Variants in SMYD3 observed in about 807,000 individuals in gnomAD.
The protein encoded by SMYD3 is SET and MYND domain containing 3.
Under a neutral mutation model 57.7 loss-of-function variants are expected in SMYD3, and 36 were observed. That is an observed-to-expected ratio of 0.62 (90% CI 0.48 to 0.82). The LOEUF (loss-of-function observed/expected upper bound fraction) is 0.82. Ranked by LOEUF, SMYD3 falls within the 40% of genes least tolerant of loss-of-function variation. The probability of loss-of-function intolerance (pLI) is 0.00; values close to 1 mark genes in which losing one functional copy is unlikely to be tolerated. For missense variants in SMYD3, 515 were observed against 538.8 expected (o/e 0.96, Z 0.44); for synonymous variants, 211 against 195.0 (o/e 1.08, Z -0.68).
At chr1:246,049,516 A>G (rs2060030920) in intron 5 of SMYD3, among the ~76,000 whole-genome samples, 1 of 151,178 alleles carries the variant, frequency 6.6e-6, no homozygotes, top group South Asian at 2.1e-4. Context: ...CGTGTTAGCC[A>G]GGATGATCTC....
Position 245,921,549 on chromosome 1 carries a change from G to GTA in SMYD3, c.703-5911_703-5910dup, listed in dbSNP as rs143521072. On this transcript the variant is annotated intron_variant, in intron 7 of 11. Coordinates refer to ENST00000490107, the MANE Select transcript of SMYD3 (RefSeq NM_001167740.2). ...TCAACAGTGAGCTAAAAAATGTGGT[G>GTA]TATATATATATATATATATATACAC... is the stretch of plus-strand genomic sequence containing the variant. Among the ~76,000 whole-genome samples the GTA allele has an allele frequency of 2.9e-4, 41 of 141,408 alleles. 1 individual carries two copies. Among genetic ancestry groups the GTA allele is most frequent in the African/African-American group, 8.6e-4 (33 of 38,454 alleles). The allele number at this position is 141,408 out of a possible 152,430, so 92.8% of individuals were successfully genotyped here.
chr1:246,173,808 T>C (rs891889332), intron 5 of SMYD3, among the ~76,000 whole-genome samples: 5 of 152,092 alleles, frequency 3.3e-5, no homozygotes, highest in African/African-American at 9.7e-5. Context: ...GTTAATTTTT[T>C]AATGCTTTTT....
At chr1:245,909,870 A>G (rs1385949018) in intron 8 of SMYD3, among the ~76,000 whole-genome samples, 2 of 152,168 alleles carry the variant, frequency 1.3e-5, no homozygotes, top group Non-Finnish European at 2.9e-5. Context: ...CTTAATTGGG[A>G]AAAACTGAAA....
At chr1:246,160,600 G>A (rs192941461) in intron 5 of SMYD3, among the ~76,000 whole-genome samples, 2 of 152,270 alleles carry the variant, frequency 1.3e-5, no homozygotes, top group East Asian at 1.9e-4. Context: ...TGAGTTTCCC[G>A]AGGAATCAGA....
chr1:246,256,184 G>A (rs2063890701), intron 5 of SMYD3, among the ~76,000 whole-genome samples: 1 of 152,148 alleles, frequency 6.6e-6, no homozygotes, highest in Non-Finnish European at 1.5e-5. Context: ...CAGCATGGGA[G>A]AAAGATGTGG....
intron 5 of SMYD3, among the ~76,000 whole-genome samples, chr1:246,304,576 C>G (rs1275432276): frequency 6.6e-6 from 1 of 152,112 alleles, no homozygotes. Context: ...TGTTTAGCCT[C>G]AAAGCCAAGT....
chr1:245,864,177 A>C (rs1309703282), intron 8 of SMYD3, among the ~76,000 whole-genome samples: 1 of 152,072 alleles, frequency 6.6e-6, no homozygotes, highest in Non-Finnish European at 1.5e-5. Context: ...TTTGGAAAAC[A>C]CTCTGGAAGT....
intron 8 of SMYD3, among the ~76,000 whole-genome samples, chr1:245,875,155 T>G (rs1302327183): frequency 6.6e-6 from 1 of 152,224 alleles, no homozygotes; most frequent in African/African-American, 2.4e-5. Flanking sequence ...GAGGACCTCT[T>G]TGTAATGTCA....
At chr1:245,798,484 C>CCACACACA (rs146927711) in intron 10 of SMYD3, among the ~76,000 whole-genome samples, 1 of 132,164 alleles carries the variant, frequency 7.6e-6, no homozygotes, top group African/African-American at 2.9e-5. Flanking sequence ...ACACAACACA[C>CCACACACA]CACACACACA....
intron 5 of SMYD3, among the ~76,000 whole-genome samples, chr1:246,193,292 T>G (rs1163351404): frequency 6.6e-6 from 1 of 151,958 alleles, no homozygotes; most frequent in East Asian, 1.9e-4. Context: ...GAAGAATAAA[T>G]TAACATTTAA....
chr1:246,256,397 A>C (rs1019103592), intron 5 of SMYD3, among the ~76,000 whole-genome samples: 18 of 152,154 alleles, frequency 1.2e-4, no homozygotes, highest in African/African-American at 4.3e-4. Flanking sequence ...TCAAGTTCAC[A>C]CTTAGTATTA....
chr1:246,062,148 C>T (rs987043755), intron 5 of SMYD3, among the ~76,000 whole-genome samples: 2 of 150,856 alleles, frequency 1.3e-5, no homozygotes, highest in African/African-American at 4.9e-5. Context: ...CAGGAAAGAG[C>T]CTTAGTTCAT....
chr1:245,876,217 C>A (rs900669716), intron 8 of SMYD3, among the ~76,000 whole-genome samples: 2 of 152,214 alleles, frequency 1.3e-5, no homozygotes, highest in African/African-American at 4.8e-5. Context: ...ACCTGTTGTT[C>A]CTCCAGCTTT....
Position 246,507,123 on chromosome 1 carries a change from C to A in SMYD3, c.95G>T (p.Arg32Leu). The stretch of plus-strand genomic sequence containing the variant: ...CACCGTGTACGCCAAGGGATCCGAG[C>A]GGAAGAGTAGCTCTCCGGGGCGCAG... ...TPLRPGELLF[R>L]SDPLAYTVCK... Residue 32 changes from arginine (R) to leucine (L), a missense_variant, in exon 1 of 12, where the codon CGC becomes CTC. Arg to Leu is a moderately radical substitution (Grantham distance 102, BLOSUM62 -2). Transcript: ENST00000490107. The A allele has an allele frequency of 2.0e-6, 3 of 1,533,854 alleles. No homozygotes were observed. The highest frequency in any genetic ancestry group is 1.8e-6 in the Non-Finnish European group (2 of 1,140,300).
chr1:246,267,031 G>C (rs1476140700), intron 5 of SMYD3, among the ~76,000 whole-genome samples: 6 of 151,856 alleles, frequency 4.0e-5, no homozygotes, highest in Admixed American at 1.3e-4. Flanking sequence ...TATAAGCCTG[G>C]CAAATATCTT....
chr1:246,311,634 G>A (rs1043247587), intron 5 of SMYD3, among the ~76,000 whole-genome samples: 12 of 151,938 alleles, frequency 7.9e-5, no homozygotes, highest in East Asian at 1.9e-4. Context: ...ACACGCACAC[G>A]CGTGACACGC....
chr1:246,429,238 T>A (rs1320226269), intron 1 of SMYD3, among the ~76,000 whole-genome samples: 1 of 152,008 alleles, frequency 6.6e-6, no homozygotes, highest in African/African-American at 2.4e-5. Flanking sequence ...CACTGTCCAC[T>A]GCAACCAGTG....
chr1:246,234,450 A>G (rs1442807577), intron 5 of SMYD3, among the ~76,000 whole-genome samples: 1 of 152,148 alleles, frequency 6.6e-6, no homozygotes, highest in African/African-American at 2.4e-5. Context: ...CATGCAGAGA[A>G]GTACTCCTTC....
At chr1:246,276,066 T>C (rs1339248809) in intron 5 of SMYD3, among the ~76,000 whole-genome samples, 1 of 121,950 alleles carries the variant, frequency 8.2e-6, no homozygotes, top group African/African-American at 2.8e-5. Flanking sequence ...TTAATGTCTG[T>C]AGTGGAGTCT....
Sources: allele counts gnomAD v4.1 joint callset (sites outside exome capture counted in the v4.1 genomes callset), GRCh38; gene constraint gnomAD v4.1.1; transcripts MANE v1.5; gene names NCBI Gene and HGNC (gene_info 2026-07-23, HGNC 2026-07-21).